The following LCA5L variants were observed in gnomAD, a reference collection of about 807,000 sequenced individuals.
LCA5L encodes the protein lebercilin LCA5 like, also known as lebercilin-like protein.
LCA5L carries 35 observed loss-of-function variants against 45.4 expected under a neutral mutation model. That is an observed-to-expected ratio of 0.77 (90% CI 0.59 to 1.02). LCA5L has a LOEUF of 1.02. Among genes scored for constraint, LCA5L ranks in the 50% least tolerant of loss-of-function variants. The pLI is 0.00. For synonymous variants in LCA5L, 233 were observed against 264.7 expected (o/e 0.88, Z 1.16); for missense variants, 668 against 761.6 (o/e 0.88, Z 1.45).
chr21:39,423,137 T>C lies in LCA5L; in HGVS notation c.676A>G (p.Arg226Gly). 6.2e-7 allele frequency: 1 copy of C among 1,613,716 alleles called. No individual in the cohort carries two copies. Among genetic ancestry groups the C allele is most frequent in the South Asian group, 1.1e-5 (1 of 90,950 alleles). ...KSQEKERTLS[R>G]KLRETDSQLL... Reference sequence around the variant, plus strand: ...TGGCTGTCAGTTTCTCTAAGTTTCCTAGATAGAGTTCTTTCCTTTTCCTGG... The same window carrying C: ...TGGCTGTCAGTTTCTCTAAGTTTCCCAGATAGAGTTCTTTCCTTTTCCTGG... The change falls in exon 6 of 11, where the codon AGG (arginine) becomes GGG (glycine). Residue 226 changes from arginine to glycine, a missense_variant. Physicochemically the swap from Arg to Gly is moderately radical, Grantham distance 125 (BLOSUM62 -2). Coordinates refer to ENST00000288350, the MANE Select transcript of LCA5L (RefSeq NM_152505.4).
Position 39,410,000 on chromosome 21 carries a change from C to A in LCA5L, c.1261G>T (p.Asp421Tyr). 6.4e-7 allele frequency: 1 copy of A among 1,560,836 alleles called. No individual in the cohort carries two copies. Among genetic ancestry groups the A allele is most frequent in the Non-Finnish European group, 8.8e-7 (1 of 1,135,786 alleles). ...TTACCTTCATATTTTCTCTTAGAAT[C>A]CTCTTGCTTTGGTAGTTTATTCACA... ...HCVNKLPKQE[D>Y]SKRKYEDLSG... The change falls in exon 10 of 11, where the codon GAT becomes TAT. Residue 421 changes from aspartate to tyrosine, a missense_variant. Transcript: ENST00000288350. The surrounding 1 kb of genome is among the most constrained non-coding windows in gnomAD (Gnocchi z 4.2).
Position 39,420,831 on chromosome 21 carries a change from G to GT in LCA5L, c.849dup (p.Gln284ThrfsTer10). 6.2e-7 allele frequency: 1 copy of GT among 1,612,646 alleles called. No homozygotes were observed. Among genetic ancestry groups the GT allele is most frequent in the Non-Finnish European group, 8.5e-7 (1 of 1,178,926 alleles). The stretch of plus-strand genomic sequence containing the variant: ...AAGGCTCTGCAGTTCAACCTCAGTT[G>GT]TTTTTCCAAGCTCTGAAAACAGTAT... On this transcript the variant is annotated frameshift_variant, in exon 7 of 11. Coordinates refer to ENST00000288350, the MANE Select transcript of LCA5L (RefSeq NM_152505.4). LOFTEE classifies it high-confidence loss of function.
intron 7 of LCA5L, among the ~76,000 whole-genome samples, chr21:39,415,576 A>G (rs754521174): frequency 1.3e-5 from 2 of 152,206 alleles, no homozygotes; most frequent in Non-Finnish European, 2.9e-5. Context: ...TAACTGCAGT[A>G]TCTTCATTCC....
chr21:39,411,184 A>C, intron 8 of LCA5L: 1 of 258,830 alleles, frequency 3.9e-6, no homozygotes, highest in Non-Finnish European at 7.7e-6. Flanking sequence ...TATTGTGACC[A>C]AAGGAAAGTC....
rs548135254 is a variant in LCA5L, at chr21:39,410,055, T to G, written c.1206A>C (p.Ser402=). ...ATGNIDHKEK[S]TEINHEIPHC... Reference sequence around the variant, plus strand: ...GAGGAATTTCATGATTTATTTCAGTTGATTTTTCTTTATGATCGATGTTTC... The same window carrying G: ...GAGGAATTTCATGATTTATTTCAGTGGATTTTTCTTTATGATCGATGTTTC... Residue 402 remains serine (S), a synonymous_variant, in exon 10 of 11, where the codon TCA becomes TCC. Coordinates refer to ENST00000288350, the MANE Select transcript of LCA5L (RefSeq NM_152505.4). 12 of 1,611,446 alleles carry G rather than the reference T, an allele frequency of 7.4e-6. No individual in the cohort carries two copies. The East Asian group carries it at 1.3e-4, about 18-fold the overall frequency.
At chr21:39,436,461 A>C (rs1375110699) in intron 2 of LCA5L, among the ~76,000 whole-genome samples, 2 of 152,174 alleles carry the variant, frequency 1.3e-5, no homozygotes, top group South Asian at 4.1e-4. Flanking sequence ...TTTCTGGCTG[A>C]AATTATTCTA....
chr21:39,429,736 G>A (rs2075447447), intron 3 of LCA5L, among the ~76,000 whole-genome samples: 1 of 152,138 alleles, frequency 6.6e-6, no homozygotes, highest in Admixed American at 6.5e-5. Context: ...GAAGAATCCA[G>A]GCTGGGCATT....
rs59297439 is a variant in LCA5L at position 39,428,599 on chromosome 21, T to TATATATATATATATATATATATATATATA, written c.-10-97_-10-96insTATATATATATATATATATATATATATAT. On this transcript the variant is annotated intron_variant, in intron 4 of 10. Coordinates refer to ENST00000288350, the MANE Select transcript of LCA5L (RefSeq NM_152505.4). ...TATTTTATATATATATATATATATATTTTTTTTTTTTTTTTTTTTTTTTTT... is the reference window on the plus strand; with the variant it reads ...TATTTTATATATATATATATATATATATATATATATATATATATATATATATATATTTTTTTTTTTTTTTTTTTTTTTTT... 20 of 19,842 alleles carry TATATATATATATATATATATATATATATA rather than the reference T, an allele frequency of 1.0e-3. 2 individuals carry two copies. The highest frequency in any genetic ancestry group is 2.6e-3 in the South Asian group (1 of 380). 1.2% of individuals were successfully genotyped at this position (19,842 alleles called of 1,614,324 possible).
At chr21:39,417,240 AT>A (rs1409039732) in intron 7 of LCA5L, among the ~76,000 whole-genome samples, 1 of 152,052 alleles carries the variant, frequency 6.6e-6, no homozygotes, top group East Asian at 1.9e-4. Context: ...GGGTTTCACC[AT>A]GTTGGCCAGG....
In LCA5L at chr21:39,409,963, A is replaced by G; in HGVS notation, c.1282+16T>C. On this transcript the variant is annotated intron_variant, in intron 10 of 10. Transcript: ENST00000288350. This position sits in a 1 kb window ranked among gnomAD's most constrained non-coding sequence, Gnocchi z 4.2. ...AAAGAAATCAGATAAGATAGACTTT[A>G]AAGAGTTAAAATTACCTTCATATTT... 2 of 1,321,700 alleles carry G rather than the reference A, an allele frequency of 1.5e-6. No homozygotes were observed. The allele number at this position is 1,321,700 out of a possible 1,614,324, so 81.9% of individuals were successfully genotyped here. A position where few individuals can be genotyped will look rare whatever the true frequency, so the allele number is the denominator to read the frequency against.
chr21:39,445,005 G>A (rs1045153954), intron 1 of LCA5L, among the ~76,000 whole-genome samples: 1 of 152,014 alleles, frequency 6.6e-6, no homozygotes, highest in Admixed American at 6.5e-5. Context: ...GGGCTCACTG[G>A]AATTCAGATA....
At chr21:39,419,550 G>A (rs1318647501) in intron 7 of LCA5L, among the ~76,000 whole-genome samples, 75 of 146,424 alleles carry the variant, frequency 5.1e-4, no homozygotes, top group Non-Finnish European at 8.7e-4. Context: ...AAAGAAAAAA[G>A]AAAGAAAGGG....
intron 2 of LCA5L, among the ~76,000 whole-genome samples, chr21:39,437,782 GA>G (rs1303652187): frequency 6.6e-6 from 1 of 152,082 alleles, no homozygotes; most frequent in East Asian, 1.9e-4. Flanking sequence ...AAACGACTTA[GA>G]AAATAGATGA....
At chr21:39,414,714 C>CTG (rs1491154881) in intron 7 of LCA5L, among the ~76,000 whole-genome samples, 4 of 100,080 alleles carry the variant, frequency 4.0e-5, no homozygotes, top group African/African-American at 1.2e-4. Flanking sequence ...GGTTCTCTCC[C>CTG]TCTCTCTCTC....
intron 7 of LCA5L, among the ~76,000 whole-genome samples, chr21:39,418,146 C>T (rs2147493643): frequency 6.6e-6 from 1 of 152,318 alleles, no homozygotes; most frequent in Non-Finnish European, 1.5e-5. Flanking sequence ...AGACCTGCCT[C>T]TATGATCTAA....
chr21:39,429,275 A>G (rs2075383952), intron 3 of LCA5L, 64 bp from the exon 4 acceptor site: 1 of 152,226 alleles, frequency 6.6e-6, no homozygotes. Context: ...TAGGAATCTA[A>G]TATCACTTTC....
At chr21:39,428,578 T>TTTTATATATATATATATA (rs1277765308) in intron 4 of LCA5L, 75 bp from the exon 5 acceptor site, 17 of 58,040 alleles carry the variant, frequency 2.9e-4, no homozygotes, top group African/African-American at 1.4e-3. Flanking sequence ...ATGCTTTATT[T>TTTTATATATATATATATA]TATATATATA....
intron 2 of LCA5L, among the ~76,000 whole-genome samples, chr21:39,442,213 C>T (rs1228444728): frequency 1.3e-5 from 2 of 152,104 alleles, no homozygotes; most frequent in African/African-American, 4.8e-5. Flanking sequence ...GAGGGAAAAA[C>T]AATGCAGACA....
At chr21:39,444,037 A>AAAC in intron 2 of LCA5L, 98 bp downstream of exon 2, 1 of 151,808 alleles carries the variant, frequency 6.6e-6, no homozygotes, top group African/African-American at 2.4e-5. Flanking sequence ...CTTAAAAAAA[A>AAAC]AAAAAACAAC....
Sources: allele counts gnomAD v4.1 joint callset (sites outside exome capture counted in the v4.1 genomes callset), GRCh38; gene constraint gnomAD v4.1.1; non-coding constraint Gnocchi (gnomAD v3.1); transcripts MANE v1.5; gene names NCBI Gene and HGNC (gene_info 2026-07-23, HGNC 2026-07-21).